The following TDRD7 variants were observed in gnomAD, a reference collection of about 807,000 sequenced individuals.
TDRD7 encodes the protein tudor domain containing 7.
TDRD7 carries 47 observed loss-of-function variants against 109.8 expected under a neutral mutation model. The ratio of observed to expected loss-of-function variants is 0.43; its 90% CI spans 0.34 to 0.55. The LOEUF (loss-of-function observed/expected upper bound fraction) is 0.55. Among genes scored for constraint, TDRD7 ranks in the 20% least tolerant of loss-of-function variants. The pLI, the probability that TDRD7 is intolerant of heterozygous loss-of-function variation, is 0.03. For missense variants in TDRD7, 1,164 were observed against 1,319.2 expected, an observed-to-expected ratio of 0.88 and a Z score of 1.82; for synonymous variants, 424 against 457.3, an observed-to-expected ratio of 0.93 and a Z score of 0.93.
intron 16 of TDRD7, among the ~76,000 whole-genome samples, chr9:97,490,177 G>A (rs998143681): frequency 6.6e-6 from 1 of 152,010 alleles, no homozygotes; most frequent in Non-Finnish European, 1.5e-5. Context: ...TCTTTATGTC[G>A]ATATTAATTT....
rs760683250 is a variant in TDRD7, at chr9:97,482,917, C to T, written c.2481C>T (p.Asp827=). 6.2e-7 allele frequency: 1 copy of T among 1,614,068 alleles called. No homozygotes were observed. The highest frequency in any genetic ancestry group is 8.5e-7 in the Non-Finnish European group (1 of 1,180,038). Residue 827 remains aspartate, a synonymous_variant, in exon 15 of 17, where the codon GAC becomes GAT. Transcript: ENST00000355295. ...TATTTACCCCTAAGAACTTCCCTGA[C>T]CCTCATCGCAGTATTAATCGCCAGA... The part of the protein sequence containing the change: ...VYLFTPKNFP[D]PHRSINRQIT...
At chr9:97,475,925 G>T (rs577086067) in intron 12 of TDRD7, among the ~76,000 whole-genome samples, 1 of 152,290 alleles carries the variant, frequency 6.6e-6, no homozygotes, top group South Asian at 2.1e-4. Context: ...TCATGTTGAT[G>T]TGTGCAGCTG....
At chr9:97,421,694 G>C (rs1346038490) in intron 1 of TDRD7, among the ~76,000 whole-genome samples, 1 of 130,092 alleles carries the variant, frequency 7.7e-6, no homozygotes, top group Non-Finnish European at 1.6e-5. Context: ...ACTATGCCCA[G>C]CTTTTGTGTG....
At chr9:97,422,196 C>CA (rs1354149733) in intron 1 of TDRD7, among the ~76,000 whole-genome samples, 4 of 152,158 alleles carry the variant, frequency 2.6e-5, no homozygotes, top group Admixed American at 6.5e-5. Flanking sequence ...AGTTTGAGAC[C>CA]AGCCTAGCCA....
chr9:97,418,298 C>T (rs1396142384), intron 1 of TDRD7, among the ~76,000 whole-genome samples: 3 of 152,118 alleles, frequency 2.0e-5, no homozygotes, highest in African/African-American at 7.2e-5. Context: ...ATGAGCACTT[C>T]TGTGCCGTGC....
Position 97,428,546 on chromosome 9 carries a change from C to T in TDRD7, c.81C>T (p.Leu27=), listed in dbSNP as rs1670153985. 5 of 1,613,928 alleles carry T rather than the reference C, an allele frequency of 3.1e-6. No homozygotes were observed. The highest frequency in any genetic ancestry group is 4.2e-6 in the Non-Finnish European group (5 of 1,179,974). The change falls in exon 2 of 17, where the codon CTC becomes CTT. Residue 27 remains leucine, a synonymous_variant. Transcript: ENST00000355295. The part of the protein sequence containing the change: ...SHKNGVALPR[L]QGEYRSLTGD... ...AGAATGGAGTAGCATTACCCCGGCT[C>T]CAAGGAGAGTACAGATCCTTGACTG...
At position 97,487,260 on chromosome 9, in the gene TDRD7, A is replaced by T. The variant is rs202206922; in HGVS notation, c.3004A>T (p.Ile1002Leu). Residue 1002 changes from isoleucine (I) to leucine (L), a missense_variant, in exon 16 of 17, where the codon ATA becomes TTA. Physicochemically the swap from Ile to Leu is conservative, Grantham distance 5. Around this residue, in one of 5 missense-constraint regions of TDRD7, gnomAD observed 162 missense variants for 222.5 expected, o/e 0.73. Transcript: ENST00000355295. ...TTATGGCAAACACGAATTAGTCAACATAAGAAAAGTACAGCCCCTAGTGGA... is the reference window on the plus strand; with the variant it reads ...TTATGGCAAACACGAATTAGTCAACTTAAGAAAAGTACAGCCCCTAGTGGA... ...LDYGKHELVN[I>L]RKVQPLVDMF... 9.9e-6 allele frequency: 16 copies of T among 1,613,940 alleles called. No individual in the cohort carries two copies. The highest frequency in any genetic ancestry group is 2.2e-5 in the East Asian group (1 of 44,890).
intron 7 of TDRD7, among the ~76,000 whole-genome samples, chr9:97,463,002 G>A (rs1426202213): frequency 6.6e-6 from 1 of 152,284 alleles, no homozygotes; most frequent in African/African-American, 2.4e-5. Flanking sequence ...GGCCCAGTGA[G>A]ACTCTAGGTC....
intron 6 of TDRD7, among the ~76,000 whole-genome samples, chr9:97,446,804 G>T (rs940779757): frequency 5.1e-4 from 77 of 152,076 alleles, no homozygotes; most frequent in African/African-American, 1.7e-3. Flanking sequence ...AAAATGAATT[G>T]CCTTTTTAAA....
intron 6 of TDRD7, among the ~76,000 whole-genome samples, chr9:97,448,813 A>G (rs904100360): frequency 6.6e-6 from 1 of 152,240 alleles, no homozygotes; most frequent in African/African-American, 2.4e-5. Flanking sequence ...CCCTGTGGAA[A>G]CAAAACTGTG....
intron 8 of TDRD7, among the ~76,000 whole-genome samples, chr9:97,465,711 A>C (rs1828812392): frequency 6.6e-6 from 1 of 151,972 alleles, no homozygotes; most frequent in Non-Finnish European, 1.5e-5. Context: ...CAGTTGTACT[A>C]GTGTATTTTT....
chr9:97,416,956 G>T (rs1587854833), intron 1 of TDRD7, among the ~76,000 whole-genome samples: 2 of 152,070 alleles, frequency 1.3e-5, no homozygotes, highest in South Asian at 2.1e-4. Context: ...GAAGAATATT[G>T]GATGGTGATA....
At chr9:97,459,388 C>T (rs1324768214) in intron 6 of TDRD7, among the ~76,000 whole-genome samples, 1 of 151,912 alleles carries the variant, frequency 6.6e-6, no homozygotes, top group Non-Finnish European at 1.5e-5. Flanking sequence ...CATTTTTTAG[C>T]CCATGAGCCA....
chr9:97,438,748 G>A (rs1413353186), intron 4 of TDRD7, among the ~76,000 whole-genome samples: 1 of 151,918 alleles, frequency 6.6e-6, no homozygotes, highest in Non-Finnish European at 1.5e-5. Context: ...GTTTTGAAAT[G>A]CCACTTTCAT....
chr9:97,478,311 G>A, intron 12 of TDRD7, 128 bp from the exon 13 acceptor site: 1 of 866,460 alleles, frequency 1.2e-6, no homozygotes, highest in East Asian at 2.6e-5. Flanking sequence ...TTAAATTAGG[G>A]GAAAATTTTA....
rs150272050 is a variant in TDRD7 at position 97,448,306 on chromosome 9, A to G, written c.855+6431A>G. Among the ~76,000 whole-genome samples, 1,134 of 152,342 alleles carry G rather than the reference A, an allele frequency of 7.4e-3. 4 individuals are homozygous for G. Among genetic ancestry groups the G allele is most frequent in the Non-Finnish European group, 0.013 (892 of 68,038 alleles). On this transcript the variant is annotated intron_variant, in intron 6 of 16. Transcript: ENST00000355295. ...GATTGGATGGGTTTAGCTCCTGCAT[A>G]CAGGGTACACCACACCGGCTGCCCT...
intron 9 of TDRD7, among the ~76,000 whole-genome samples, chr9:97,470,943 A>G (rs1828900123): frequency 6.6e-6 from 1 of 152,184 alleles, no homozygotes; most frequent in Non-Finnish European, 1.5e-5. Context: ...TGCCCTAGTA[A>G]CAATTGATAG....
At chr9:97,475,240 T>C in intron 11 of TDRD7, 143 bp from the exon 12 acceptor site, 1 of 717,244 alleles carries the variant, frequency 1.4e-6, no homozygotes, top group South Asian at 1.5e-5. Context: ...TTTATAACCC[T>C]GTGTGTTTGC....
chr9:97,488,825 G>A (rs139183660), intron 16 of TDRD7, among the ~76,000 whole-genome samples: 15 of 152,244 alleles, frequency 9.9e-5, no homozygotes, highest in African/African-American at 2.6e-4. Flanking sequence ...TACAGCTTTG[G>A]CTGCATCCCA....
Sources: allele counts gnomAD v4.1 joint callset (sites outside exome capture counted in the v4.1 genomes callset), GRCh38; gene constraint gnomAD v4.1.1; regional missense constraint gnomAD v4.1.1; transcripts MANE v1.5; gene names NCBI Gene and HGNC (gene_info 2026-07-23, HGNC 2026-07-21).